Variants in ZNF385D observed in about 807,000 individuals in gnomAD.
ZNF385D encodes zinc finger protein 659.
In ZNF385D, 15 loss-of-function variants were observed where a neutral mutation model predicts 35.8. The ratio of observed to expected loss-of-function variants is 0.42; its 90% CI spans 0.28 to 0.64. ZNF385D has a LOEUF of 0.64. Ranked by LOEUF, ZNF385D falls within the 30% of genes least tolerant of loss-of-function variation. ZNF385D has a pLI of 0.23. For missense variants in ZNF385D, 474 were observed against 494.6 expected, an observed-to-expected ratio of 0.96 and a Z score of 0.39; for synonymous variants, 212 against 186.8, an observed-to-expected ratio of 1.13 and a Z score of -1.10.
chr3:22,037,965 C>A (rs1048921619), intron 3 of ZNF385D, among the ~76,000 whole-genome samples: 10 of 152,060 alleles, frequency 6.6e-5, no homozygotes, highest in African/African-American at 2.4e-4. Context: ...CTGACAAAAA[C>A]AAGAAATGGG....
intron 3 of ZNF385D, among the ~76,000 whole-genome samples, chr3:22,150,979 C>G (rs1324784450): frequency 6.6e-6 from 1 of 152,070 alleles, no homozygotes; most frequent in Non-Finnish European, 1.5e-5. Context: ...GGCCCAAGAC[C>G]CAGCCCACAT....
chr3:21,578,998 T>TA (rs1198415942), intron 2 of ZNF385D, among the ~76,000 whole-genome samples: 3 of 152,226 alleles, frequency 2.0e-5, no homozygotes, highest in African/African-American at 7.2e-5. Context: ...CATCAGCACT[T>TA]AGAGTCTTAG....
intron 3 of ZNF385D, among the ~76,000 whole-genome samples, chr3:21,872,080 T>C (rs1256658172): frequency 6.6e-6 from 1 of 152,154 alleles, no homozygotes; most frequent in African/African-American, 2.4e-5. Context: ...TATTTTAAAA[T>C]ATGGTTTATA....
chr3:21,976,656 A>G (rs1432242328), intron 3 of ZNF385D, among the ~76,000 whole-genome samples: 1 of 152,204 alleles, frequency 6.6e-6, no homozygotes, highest in Non-Finnish European at 1.5e-5. Context: ...ATTGGTAAAT[A>G]TATTTTGGTA....
chr3:21,506,691 A>G lies in ZNF385D; in HGVS notation c.439+4170T>C, dbSNP rs147061210. ...GCTATCTTTGGAAATGCTCTATGAA[A>G]TATTCTGTGACAAATAGTAACCACT... On this transcript the variant is annotated intron_variant, in intron 4 of 7. Coordinates refer to ENST00000281523, the MANE Select transcript of ZNF385D (RefSeq NM_024697.3). Among the ~76,000 whole-genome samples the G allele has an allele frequency of 2.1e-3, 317 of 152,306 alleles. 1 individual carries two copies. Among genetic ancestry groups the G allele is most frequent in the African/African-American group, 7.1e-3 (297 of 41,580 alleles).
At chr3:21,598,679 T>A (rs529947411) in intron 2 of ZNF385D, among the ~76,000 whole-genome samples, 1 of 152,218 alleles carries the variant, frequency 6.6e-6, no homozygotes, top group Non-Finnish European at 1.5e-5. Context: ...AAGTTATTTT[T>A]ACTTTAAACC....
chr3:22,110,539 C>T (rs1553609879), intron 3 of ZNF385D, among the ~76,000 whole-genome samples: 1 of 150,350 alleles, frequency 6.7e-6, no homozygotes, highest in Non-Finnish European at 1.5e-5. Context: ...ATCACAAGGA[C>T]AAAAAACCAA....
At chr3:21,590,805 C>G (rs1219231913) in intron 2 of ZNF385D, among the ~76,000 whole-genome samples, 1 of 151,980 alleles carries the variant, frequency 6.6e-6, no homozygotes, top group Non-Finnish European at 1.5e-5. Context: ...AATCTCATTT[C>G]CATTATATTT....
chr3:21,544,053 A>G (rs1229416854), intron 3 of ZNF385D, among the ~76,000 whole-genome samples: 3 of 151,990 alleles, frequency 2.0e-5, no homozygotes, highest in Non-Finnish European at 2.9e-5. Flanking sequence ...TTTGTCCTAA[A>G]GAAAGACAAG....
chr3:21,972,283 T>G (rs1419539378), intron 3 of ZNF385D, among the ~76,000 whole-genome samples: 1 of 151,664 alleles, frequency 6.6e-6, no homozygotes, highest in South Asian at 2.1e-4. Flanking sequence ...CTAGAAATCA[T>G]TTGGAAAGTA....
At chr3:21,722,050 A>T (rs773863414) in intron 1 of ZNF385D, among the ~76,000 whole-genome samples, 4 of 151,202 alleles carry the variant, frequency 2.6e-5, no homozygotes, top group Non-Finnish European at 5.9e-5. Context: ...CAGTGAGCCA[A>T]GATCGTGCCA....
At chr3:21,882,994 C>A (rs1698356288) in intron 3 of ZNF385D, among the ~76,000 whole-genome samples, 1 of 151,950 alleles carries the variant, frequency 6.6e-6, no homozygotes, top group African/African-American at 2.4e-5. Flanking sequence ...CACTATTGAA[C>A]AAACCCTCAT....
intron 3 of ZNF385D, among the ~76,000 whole-genome samples, chr3:21,952,915 C>A (rs143324373): frequency 6.6e-6 from 1 of 152,142 alleles, no homozygotes; most frequent in East Asian, 1.9e-4. Flanking sequence ...TGTTCACGGT[C>A]TATAAACTCA....
chr3:21,657,303 A>T (rs1350452068), intron 2 of ZNF385D, among the ~76,000 whole-genome samples: 1 of 151,984 alleles, frequency 6.6e-6, no homozygotes, highest in Non-Finnish European at 1.5e-5. Context: ...GGATTAAATA[A>T]GAAAAATATT....
intron 3 of ZNF385D, among the ~76,000 whole-genome samples, chr3:22,022,904 C>T (rs1036715028): frequency 7.2e-5 from 11 of 152,120 alleles, no homozygotes; most frequent in South Asian, 2.1e-4. Context: ...TTATTTAGCA[C>T]GGAAGGCAAA....
rs1477457846 is a variant in ZNF385D at position 21,415,429 on chromosome 3, A to G, written c.*5785T>C. On this transcript the variant is annotated 3_prime_UTR_variant, in exon 8 of 8. Transcript: ENST00000281523. Reference sequence around the variant, plus strand: ...ATTATATCTACTTCCCAGCCCCTCCAATGCCCTAAAATGATTAATGCCCCA... The same window carrying G: ...ATTATATCTACTTCCCAGCCCCTCCGATGCCCTAAAATGATTAATGCCCCA... 2 of 152,064 alleles carry G rather than the reference A, an allele frequency of 1.3e-5. No homozygotes were observed. Among genetic ancestry groups the G allele is most frequent in the Non-Finnish European group, 2.9e-5 (2 of 67,982 alleles). The allele number at this position is 152,064 out of a possible 1,614,324, so 9.4% of individuals were successfully genotyped here.
chr3:21,496,814 A>G (rs550796161), intron 4 of ZNF385D, among the ~76,000 whole-genome samples: 118 of 152,188 alleles, frequency 7.8e-4, no homozygotes, highest in Non-Finnish European at 1.5e-3. Context: ...GATTATTTTG[A>G]TAGATACAAA....
intron 4 of ZNF385D, 125 bp from the exon 5 acceptor site, chr3:21,437,328 TCAAG>T (rs1701607041): frequency 3.5e-6 from 3 of 868,512 alleles, no homozygotes; most frequent in Non-Finnish European, 5.1e-6. Flanking sequence ...TTGCTGTTTG[TCAAG>T]GATGCATCAA....
intron 3 of ZNF385D, among the ~76,000 whole-genome samples, chr3:22,057,893 T>C (rs1699489437): frequency 6.6e-6 from 1 of 152,134 alleles, no homozygotes; most frequent in Non-Finnish European, 1.5e-5. Context: ...TAAATTGAAA[T>C]AAAGACTGAT....
Sources: gnomAD v4.1 joint callset for allele counts (sites outside exome capture counted in the v4.1 genomes callset) on GRCh38, gnomAD v4.1.1 for gene constraint, MANE v1.5 for transcripts, NCBI Gene and HGNC (gene_info 2026-07-23, HGNC 2026-07-21) for gene names.